AK7: variants seen among roughly 807,000 people sequenced by gnomAD.
AK7 encodes ATP-AMP transphosphorylase 7.
Under a neutral mutation model 96.6 loss-of-function variants are expected in AK7, and 78 were observed. The observed-to-expected ratio is 0.81, with a 90% CI of 0.67 to 0.97. AK7 has a LOEUF of 0.97. Among genes scored for constraint, AK7 ranks in the 50% least tolerant of loss-of-function variants. AK7 has a pLI of 0.00. For synonymous variants in AK7, 302 were observed against 317.2 expected (o/e 0.95, Z 0.51); for missense variants, 855 against 887.9 (o/e 0.96, Z 0.47).
intron 12 of AK7, among the ~76,000 whole-genome samples, chr14:96,462,758 A>G (rs1566801183): frequency 5.9e-5 from 9 of 152,218 alleles, no homozygotes. Flanking sequence ...TACATGGGTC[A>G]TTGTAAAATC....
chr14:96,404,810 T>C lies in AK7; in HGVS notation c.348T>C (p.Ile116=), dbSNP rs768547095. 8 of 1,611,150 alleles carry C rather than the reference T, an allele frequency of 5.0e-6. No individual in the cohort carries two copies. The highest frequency in any genetic ancestry group is 5.9e-6 in the Non-Finnish European group (7 of 1,177,800). Residue 116 remains isoleucine, a synonymous_variant, in exon 3 of 18, where the codon ATT becomes ATC. Transcript: ENST00000267584. ...LMRLLECDVI[I]YNITESSQQM... Reference sequence around the variant, plus strand: ...GCCTGCTGGAGTGTGATGTTATTATTTATAACATCACTGAGAGCTCACAGC... The same window carrying C: ...GCCTGCTGGAGTGTGATGTTATTATCTATAACATCACTGAGAGCTCACAGC...
chr14:96,433,311 C>T (rs1892459862), intron 5 of AK7, among the ~76,000 whole-genome samples: 2 of 152,196 alleles, frequency 1.3e-5, no homozygotes, highest in Non-Finnish European at 2.9e-5. Context: ...GTACGCCAAT[C>T]AAACATAGAT....
chr14:96,478,790 C>A, intron 15 of AK7, 128 bp downstream of exon 15: 2 of 873,116 alleles, frequency 2.3e-6, no homozygotes, highest in Non-Finnish European at 3.6e-6. Flanking sequence ...CACAGGAAGC[C>A]ATGAAATACA....
At chr14:96,419,786 TTTC>T (rs767759225) in intron 4 of AK7, among the ~76,000 whole-genome samples, 4 of 126,268 alleles carry the variant, frequency 3.2e-5, no homozygotes, top group African/African-American at 8.4e-5. Context: ...TTTTCTTTCT[TTTC>T]TTTTTTTTTT....
In AK7 at chr14:96,451,488, A is replaced by T. The variant is rs758470168; in HGVS notation, c.1016A>T (p.Asn339Ile). The T allele has an allele frequency of 1.2e-6, 2 of 1,604,032 alleles. No individual in the cohort carries two copies. Among genetic ancestry groups the T allele is most frequent in the South Asian group, 2.2e-5 (2 of 89,322 alleles). Residue 339 changes from asparagine to isoleucine, a missense_variant, in exon 10 of 18, where the codon AAT (asparagine) becomes ATT (isoleucine). By Grantham distance (149) the Asn-to-Ile change is moderately radical. Coordinates refer to ENST00000267584, the MANE Select transcript of AK7 (RefSeq NM_152327.5). ...MEALFVKENFNIRWAAQTGFV... is the reference protein window; with the variant it reads ...MEALFVKENFIIRWAAQTGFV... ...GCGCTCTTTGTGAAGGAGAATTTTA[A>T]TATTCGATGGGCTGCCCAAACAGGA...
At chr14:96,429,603 G>C (rs1240060625) in intron 5 of AK7, among the ~76,000 whole-genome samples, 1 of 152,182 alleles carries the variant, frequency 6.6e-6, no homozygotes, top group Non-Finnish European at 1.5e-5. Context: ...AGCATGGAAT[G>C]TTCTTCCAAT....
intron 4 of AK7, among the ~76,000 whole-genome samples, chr14:96,413,234 A>T (rs963187493): frequency 6.6e-6 from 1 of 152,212 alleles, no homozygotes; most frequent in African/African-American, 2.4e-5. Context: ...CCACACTGTG[A>T]GAAGGCGAGC....
At position 96,407,575 on chromosome 14, in the gene AK7, C is replaced by CTTTTTTTTTTTTTTTTTTTTTTTTTT. The variant is rs1288121196; in HGVS notation, c.404-1268_404-1267insTTTTTTTTTTTTTTTTTTTTTTTTTT. 3.7e-5 allele frequency among the ~76,000 whole-genome samples: 2 copies of CTTTTTTTTTTTTTTTTTTTTTTTTTT among 54,732 alleles called. 1 individual carries two copies. The allele number at this position is 54,732 out of a possible 152,430, so 35.9% of individuals were successfully genotyped here. ...GCAGCTCTGATATGTTTCTTTCTTT[C>CTTTTTTTTTTTTTTTTTTTTTTTTTT]TTTTCTTTTTTTTTTTTTTTTTTTG... On this transcript the variant is annotated intron_variant, in intron 3 of 17. Coordinates refer to ENST00000267584, the MANE Select transcript of AK7 (RefSeq NM_152327.5).
chr14:96,478,907 C>CTTTTT (rs147640900), intron 15 of AK7, among the ~76,000 whole-genome samples: 2 of 140,960 alleles, frequency 1.4e-5, no homozygotes, highest in East Asian at 2.1e-4. Context: ...ATGACAAATC[C>CTTTTT]TTTTTTTTTT....
chr14:96,416,302 G>A (rs971607499), intron 4 of AK7, among the ~76,000 whole-genome samples: 25 of 151,930 alleles, frequency 1.6e-4, no homozygotes, highest in Non-Finnish European at 5.9e-5. Context: ...CAGGAGAATT[G>A]CTTGAAGCCA....
At chr14:96,434,414 G>A (rs1186564665) in intron 5 of AK7, among the ~76,000 whole-genome samples, 2 of 114,416 alleles carry the variant, frequency 1.7e-5, no homozygotes, top group Non-Finnish European at 3.5e-5. Context: ...CAGTCTCTCT[G>A]TCTGTCTGTC....
Position 96,482,986 on chromosome 14 carries a change from C to T in AK7, c.1754-13C>T, listed in dbSNP as rs1234212627. On this transcript the variant is annotated splice_polypyrimidine_tract_variant and intron_variant, in intron 15 of 17. Transcript: ENST00000267584. ...ATATAAGTATGTGTTGATCTCTCTCCTGGTATTTAAAGATGTAGGAAAACT... is the reference window on the plus strand; with the variant it reads ...ATATAAGTATGTGTTGATCTCTCTCTTGGTATTTAAAGATGTAGGAAAACT... 6.2e-7 allele frequency: 1 copy of T among 1,612,240 alleles called. No individual in the cohort carries two copies. The highest frequency in any genetic ancestry group is 1.1e-5 in the South Asian group (1 of 90,852).
intron 5 of AK7, among the ~76,000 whole-genome samples, chr14:96,432,202 CTTTTTTTTTTT>C (rs71103525): frequency 9.9e-6 from 1 of 101,200 alleles, no homozygotes; most frequent in Admixed American, 1.2e-4. Context: ...GCAACCCCTG[CTTTTTTTTTTT>C]TTTTTTTTTG....
intron 7 of AK7, among the ~76,000 whole-genome samples, chr14:96,445,022 T>G (rs1450798963): frequency 6.6e-6 from 1 of 152,164 alleles, no homozygotes; most frequent in Non-Finnish European, 1.5e-5. Context: ...CCAGCCCCAT[T>G]AGTTATCTTT....
chr14:96,454,902 C>T (rs913064409), intron 10 of AK7, among the ~76,000 whole-genome samples: 2 of 152,128 alleles, frequency 1.3e-5, no homozygotes, highest in Non-Finnish European at 2.9e-5. Context: ...CGATGGCTCA[C>T]ACCTGTAATC....
chr14:96,408,525 C>T (rs1890852910), intron 3 of AK7, among the ~76,000 whole-genome samples: 1 of 152,218 alleles, frequency 6.6e-6, no homozygotes, highest in South Asian at 2.1e-4. Flanking sequence ...GGCCAGAAAA[C>T]AGAAAGGGGC....
chr14:96,486,900 T>C lies in AK7; in HGVS notation c.1977T>C (p.Asn659=). The C allele has an allele frequency of 6.2e-7, 1 of 1,610,120 alleles. No individual in the cohort carries two copies. The highest frequency in any genetic ancestry group is 1.1e-5 in the South Asian group (1 of 90,930). ...TACCACCAAATATTCTATTTTAGAA[T>C]AAACGACTGGAGGAAGTGAAAAGAG... The part of the protein sequence containing the change: ...AEKIARWEEW[N]KRLEEVKREE... The change falls in exon 17 of 18, where the codon AAT becomes AAC. Residue 659 remains asparagine (N), a splice_region_variant and synonymous_variant. Coordinates refer to ENST00000267584, the MANE Select transcript of AK7 (RefSeq NM_152327.5).
intron 14 of AK7, 105 bp from the exon 15 acceptor site, chr14:96,478,360 C>A: frequency 1.8e-6 from 2 of 1,129,470 alleles, no homozygotes; most frequent in South Asian, 2.8e-5. Flanking sequence ...CTATTTGTGG[C>A]AACAGGAGGT....
At chr14:96,421,074 T>G in intron 5 of AK7, 142 bp downstream of exon 5, 1 of 545,154 alleles carries the variant, frequency 1.8e-6, no homozygotes, top group Non-Finnish European at 3.2e-6. Flanking sequence ...TGGCCCAGGT[T>G]CTGGTCCAGC....
Sources: gnomAD v4.1 joint callset for allele counts (sites outside exome capture counted in the v4.1 genomes callset) on GRCh38, gnomAD v4.1.1 for gene constraint, MANE v1.5 for transcripts, NCBI Gene and HGNC (gene_info 2026-07-23, HGNC 2026-07-21) for gene names.